The following PHLDB2 variants were observed in gnomAD, a reference collection of about 807,000 sequenced individuals.
PHLDB2 encodes pleckstrin homology-like domain family B member 2.
A neutral mutation model predicts 123.6 loss-of-function variants in PHLDB2; 71 were observed. The observed-to-expected ratio is 0.57, with a 90% CI of 0.47 to 0.70. The LOEUF is 0.70. Among genes scored for constraint, PHLDB2 ranks in the 30% least tolerant of loss-of-function variants. The probability of loss-of-function intolerance (pLI) is 0.00; values close to 1 mark genes in which losing one functional copy is unlikely to be tolerated. For synonymous variants in PHLDB2, 547 were observed against 541.6 expected, an observed-to-expected ratio of 1.01 and a Z score of -0.14; for missense variants, 1,446 against 1,519.5, an observed-to-expected ratio of 0.95 and a Z score of 0.80.
At chr3:111,824,637 C>A (rs2062564245) in intron 1 of PHLDB2, among the ~76,000 whole-genome samples, 1 of 152,178 alleles carries the variant, frequency 6.6e-6, no homozygotes, top group Non-Finnish European at 1.5e-5. Flanking sequence ...CTGTGGGAAA[C>A]TGTCCTCAGA....
At position 111,919,245 on chromosome 3, in the gene PHLDB2, T is replaced by A. The variant is rs1324602072; in HGVS notation, c.1863+30T>A. 1.9e-6 allele frequency: 3 copies of A among 1,608,970 alleles called. No individual in the cohort carries two copies. In the South Asian group the frequency reaches 3.3e-5, roughly 18 times the overall value. ...ACTTTTTACCCTCTTCCCTTTTTTC[T>A]TTCTTTCCTTCAGCTTAAAAATATT... On this transcript the variant is annotated intron_variant, in intron 4 of 17. Transcript: ENST00000431670.
chr3:111,844,144 G>A (rs1303754703), intron 1 of PHLDB2, among the ~76,000 whole-genome samples: 2 of 151,874 alleles, frequency 1.3e-5, no homozygotes, highest in Non-Finnish European at 2.9e-5. Context: ...ATTCTCCCAG[G>A]ACATTCCTCT....
At chr3:111,782,017 T>C (rs570210406) in intron 1 of PHLDB2, among the ~76,000 whole-genome samples, 1 of 152,190 alleles carries the variant, frequency 6.6e-6, no homozygotes, top group Non-Finnish European at 1.5e-5. Flanking sequence ...ATGCCTTATC[T>C]CTATTTCCCT....
At position 111,752,105 on chromosome 3, in the gene PHLDB2, T is replaced by A. The variant is rs75569868; in HGVS notation, c.-49+19402T>A. On this transcript the variant is annotated intron_variant, in intron 1 of 17. Transcript: ENST00000393923. ...ATAAACTACCATATGGGGGATAATC[T>A]CACTGTGGCAGGGTGGAGCAAATGA... 5.4e-3 allele frequency among the ~76,000 whole-genome samples: 816 copies of A among 152,224 alleles called. 6 individuals are homozygous for A. Among genetic ancestry groups the A allele is most frequent in the African/African-American group, 0.019 (789 of 41,536 alleles).
Position 111,974,591 on chromosome 3 carries a change from G to A in PHLDB2, c.*28G>A. The stretch of plus-strand genomic sequence containing the variant: ...AACTGAGGCAACAGTCCACTTCAGG[G>A]CAGACGGCAATAATCTCTTACAAGA... On this transcript the variant is annotated 3_prime_UTR_variant, in exon 18 of 18. Coordinates refer to ENST00000431670, the MANE Select transcript of PHLDB2 (RefSeq NM_001134438.2). The A allele has an allele frequency of 1.3e-6, 2 of 1,574,236 alleles. No individual in the cohort carries two copies. Among genetic ancestry groups the A allele is most frequent in the South Asian group, 1.2e-5 (1 of 84,892 alleles).
chr3:111,753,101 A>G (rs1237285750), intron 1 of PHLDB2, among the ~76,000 whole-genome samples: 1 of 152,102 alleles, frequency 6.6e-6, no homozygotes, highest in Non-Finnish European at 1.5e-5. Context: ...TAGTGCCGCA[A>G]TAAACGTATG....
intron 2 of PHLDB2, among the ~76,000 whole-genome samples, chr3:111,898,180 GTT>G (rs1491147219): frequency 0.011 from 1,418 of 127,716 alleles, 17 homozygotes; most frequent in African/African-American, 0.035. Context: ...GTGTGTGTGT[GTT>G]TGTGTGTGTG....
intron 12 of PHLDB2, among the ~76,000 whole-genome samples, chr3:111,959,401 C>T (rs1354785771): frequency 6.6e-6 from 1 of 152,176 alleles, no homozygotes; most frequent in Non-Finnish European, 1.5e-5. Context: ...GTGAACTTTT[C>T]CACTCACTTT....
intron 1 of PHLDB2, among the ~76,000 whole-genome samples, chr3:111,867,313 A>T (rs2065135290): frequency 6.6e-6 from 1 of 152,190 alleles, no homozygotes; most frequent in South Asian, 2.1e-4. Context: ...TTAAGGCAGT[A>T]TACACATTTT....
chr3:111,803,009 A>C (rs889966657), intron 1 of PHLDB2, among the ~76,000 whole-genome samples: 2 of 152,248 alleles, frequency 1.3e-5, no homozygotes, highest in Non-Finnish European at 1.5e-5. Context: ...GATGTCACAG[A>C]TTTAATGAGT....
intron 1 of PHLDB2, among the ~76,000 whole-genome samples, chr3:111,793,426 A>C (rs1038911008): frequency 6.6e-6 from 1 of 152,034 alleles, no homozygotes; most frequent in African/African-American, 2.4e-5. Context: ...CTCTCCCTTC[A>C]GGGCAGTGGA....
At chr3:111,855,824 G>C (rs930927540), upstream of PHLDB2, among the ~76,000 whole-genome samples, 2 of 151,928 alleles carry the variant, frequency 1.3e-5, no homozygotes, top group Non-Finnish European at 2.9e-5. Context: ...GTAGAGACGG[G>C]TTTTGCCATG....
At chr3:111,872,485 C>G (rs551148739) in intron 1 of PHLDB2, among the ~76,000 whole-genome samples, 6 of 152,300 alleles carry the variant, frequency 3.9e-5, no homozygotes, top group African/African-American at 1.4e-4. Context: ...ACCTTCCTAA[C>G]TCTGCTTTCT....
intron 1 of PHLDB2, among the ~76,000 whole-genome samples, chr3:111,833,967 G>T (rs190471517): frequency 0.34 from 1,384 of 4,028 alleles, 182 homozygotes; most frequent in Non-Finnish European, 0.4. Flanking sequence ...TATATGTAAT[G>T]GAATTATATA....
Position 111,975,516 on chromosome 3 carries a change from T to C in PHLDB2, c.*953T>C, listed in dbSNP as rs1212090133. The C allele has an allele frequency of 6.6e-6, 1 of 152,220 alleles. No homozygotes were observed. Among genetic ancestry groups the C allele is most frequent in the East Asian group, 1.9e-4 (1 of 5,198 alleles). 9.4% of individuals were successfully genotyped at this position (152,220 alleles called of 1,614,324 possible). A position where few individuals can be genotyped will look rare whatever the true frequency, so the allele number is the denominator to read the frequency against. ...CTGCTAACTGCTCCCTCAACATAAC[T>C]ATGAAATCATAGCTCTGTTTTCACC... is the stretch of plus-strand genomic sequence containing the variant. On this transcript the variant is annotated 3_prime_UTR_variant, in exon 18 of 18. Coordinates refer to ENST00000431670, the MANE Select transcript of PHLDB2 (RefSeq NM_001134438.2).
chr3:111,843,866 A>G (rs2063809417), intron 1 of PHLDB2, among the ~76,000 whole-genome samples: 1 of 152,230 alleles, frequency 6.6e-6, no homozygotes, highest in African/African-American at 2.4e-5. Context: ...ATGGAAGTTT[A>G]TATTTCAACA....
chr3:111,952,492 A>G (rs557903154), intron 10 of PHLDB2, 80 bp from the exon 11 acceptor site: 2 of 1,472,540 alleles, frequency 1.4e-6, no homozygotes, highest in South Asian at 2.7e-5. Flanking sequence ...TTTTTTTGTA[A>G]GTGCATAATT....
At chr3:111,944,029 A>T (rs557744643) in intron 8 of PHLDB2, among the ~76,000 whole-genome samples, 17 of 152,368 alleles carry the variant, frequency 1.1e-4, no homozygotes, top group South Asian at 1.0e-3. Context: ...AGGTATATTT[A>T]TATAATACAG....
rs1447917737 is a variant in PHLDB2 at position 111,885,390 on chromosome 3, G to T, written c.1313G>T (p.Arg438Met). Residue 438 changes from arginine (R) to methionine (M), a missense_variant, in exon 2 of 18, where the codon AGG becomes ATG. By Grantham distance (91) the Arg-to-Met change is moderately conservative. Around this residue, in one of 3 missense-constraint regions of PHLDB2, gnomAD observed 832 missense variants for 831.9 expected, o/e 1.00. Coordinates refer to ENST00000431670, the MANE Select transcript of PHLDB2 (RefSeq NM_001134438.2). ...YHRRQREERL[R>M]EQEMERLERQ... is the part of the protein sequence containing the mutation. ...CGGCGGCAGAGGGAGGAAAGACTCA[G>T]GGAGCAGGAAATGGAGCGATTGGTA... is the stretch of plus-strand genomic sequence containing the variant. 6.2e-7 allele frequency: 1 copy of T among 1,614,154 alleles called. No homozygotes were observed. The highest frequency in any genetic ancestry group is 2.2e-5 in the East Asian group (1 of 44,876).
Sources: allele counts gnomAD v4.1 joint callset (sites outside exome capture counted in the v4.1 genomes callset), GRCh38; gene constraint gnomAD v4.1.1; regional missense constraint gnomAD v4.1.1; transcripts MANE v1.5; gene names NCBI Gene and HGNC (gene_info 2026-07-23, HGNC 2026-07-21).